The following WDR89 variants were observed in gnomAD, a reference collection of about 807,000 sequenced individuals.
WDR89 encodes WD repeat-containing protein 89.
Under a neutral mutation model 29.1 loss-of-function variants are expected in WDR89, and 17 were observed. The ratio of observed to expected loss-of-function variants is 0.58; its 90% CI spans 0.40 to 0.88. The LOEUF is 0.88. Ranked by LOEUF, WDR89 falls within the 40% of genes least tolerant of loss-of-function variation. The pLI, the probability that WDR89 is intolerant of heterozygous loss-of-function variation, is 0.00. For synonymous variants in WDR89, 138 were observed against 157.8 expected, an observed-to-expected ratio of 0.87 and a Z score of 0.94; for missense variants, 396 against 456.3, an observed-to-expected ratio of 0.87 and a Z score of 1.20.
rs375775091 is a variant in WDR89 at position 63,612,418 on chromosome 14, C to T, written c.-31-12445G>A. On this transcript the variant is annotated intron_variant, in intron 2 of 2. Coordinates refer to ENST00000620954, the MANE Select transcript of WDR89 (RefSeq NM_080666.4). ...TCTGCTCACTGCAACCTCTGCCTCC[C>T]GGGCTAGAGTGTAGTGGTGGGATCT... Among the ~76,000 whole-genome samples the T allele has an allele frequency of 2.8e-4, 43 of 151,986 alleles. 1 individual carries two copies. Among genetic ancestry groups the T allele is most frequent in the African/African-American group, 9.4e-4 (39 of 41,430 alleles).
chr14:63,625,824 A>G (rs531719218), intron 1 of WDR89, among the ~76,000 whole-genome samples: 1 of 152,272 alleles, frequency 6.6e-6, no homozygotes, highest in African/African-American at 2.4e-5. Context: ...TTAAACACAA[A>G]GAAGCAAAAC....
At chr14:63,601,585 C>A in intron 2 of WDR89, 3 of 1,610,426 alleles carry the variant, frequency 1.9e-6, no homozygotes, top group Admixed American at 1.7e-5. Flanking sequence ...GAAACTGTAA[C>A]CAAAGGAGGC....
At chr14:63,640,635 C>T (rs976106277) in intron 1 of WDR89, among the ~76,000 whole-genome samples, 5 of 151,552 alleles carry the variant, frequency 3.3e-5, no homozygotes, top group African/African-American at 1.2e-4. Flanking sequence ...ACTACAGGCG[C>T]CCGCCACATT....
In WDR89 at chr14:63,601,658, G is replaced by T. The variant is rs138514413; in HGVS notation, c.-31-1685C>A. On this transcript the variant is annotated intron_variant, in intron 2 of 2. Coordinates refer to ENST00000620954, the MANE Select transcript of WDR89 (RefSeq NM_080666.4). ...AAGCAACAGTAGTCGCTGTTGGATC[G>T]GGTTCTAAAGGAAAGGGTGGAGAGA... The T allele has an allele frequency of 5.9e-5, 95 of 1,613,104 alleles. 2 individuals are homozygous for T. In the East Asian group the frequency reaches 1.2e-3, roughly 20 times the overall value.
chr14:63,614,573 T>A (rs1882189601), intron 2 of WDR89, among the ~76,000 whole-genome samples: 1 of 151,924 alleles, frequency 6.6e-6, no homozygotes, highest in South Asian at 2.1e-4. Flanking sequence ...GAGGGAAGAG[T>A]AAAATAGGAA....
rs151105221 is a variant in WDR89, at chr14:63,639,027, A to G, written c.-138+2777T>C. On this transcript the variant is annotated intron_variant, in intron 1 of 2. Transcript: ENST00000620954. ...GAGGCAGAGGGAGATGTGACTACAG[A>G]TGAGAAAGTGGTATGATGATAGCAT... Among the ~76,000 whole-genome samples, 533 of 152,304 alleles carry G rather than the reference A, an allele frequency of 3.5e-3. 3 individuals are homozygous for G. The highest frequency in any genetic ancestry group is 5.2e-3 in the Non-Finnish European group (353 of 68,030).
chr14:63,606,785 CT>C (rs1265861268), intron 2 of WDR89, among the ~76,000 whole-genome samples: 1 of 152,200 alleles, frequency 6.6e-6, no homozygotes, highest in Non-Finnish European at 1.5e-5. Flanking sequence ...TCATTTAACC[CT>C]ATGAGGCAGA....
At chr14:63,609,891 CAGTGA>C (rs1881843540) in intron 2 of WDR89, among the ~76,000 whole-genome samples, 1 of 152,122 alleles carries the variant, frequency 6.6e-6, no homozygotes, top group Admixed American at 6.5e-5. Context: ...CCAAGGTTCT[CAGTGA>C]ACTCTCCCAA....
intron 1 of WDR89, among the ~76,000 whole-genome samples, chr14:63,632,949 A>G (rs1358393355): frequency 6.6e-6 from 1 of 152,198 alleles, no homozygotes; most frequent in African/African-American, 2.4e-5. Context: ...ATTGCATGAT[A>G]GCTGAGAATG....
intron 1 of WDR89, among the ~76,000 whole-genome samples, chr14:63,632,093 C>A (rs1883440917): frequency 1.3e-5 from 2 of 148,412 alleles, no homozygotes; most frequent in South Asian, 2.1e-4. Flanking sequence ...GCCTGAGCAA[C>A]AGAGGGAGAC....
rs937574140 is a variant in WDR89 at position 63,641,801 on chromosome 14, T to C, written c.-138+3A>G. 6 of 152,520 alleles carry C rather than the reference T, an allele frequency of 3.9e-5. No homozygotes were observed. The highest frequency in any genetic ancestry group is 1.4e-4 in the African/African-American group (6 of 41,470). 9.4% of individuals were successfully genotyped at this position (152,520 alleles called of 1,614,324 possible). A position where few individuals can be genotyped will look rare whatever the true frequency, so the allele number is the denominator to read the frequency against. On this transcript the variant is annotated splice_donor_region_variant and intron_variant, in intron 1 of 2. Coordinates refer to ENST00000620954, the MANE Select transcript of WDR89 (RefSeq NM_080666.4). Reference sequence around the variant, plus strand: ...CCGCCCAGCCTGGCCCAGCAAAATGTACCTTAGTAGCCTCAACCTGTACCG... The same window carrying C: ...CCGCCCAGCCTGGCCCAGCAAAATGCACCTTAGTAGCCTCAACCTGTACCG...
At chr14:63,640,280 G>C (rs10498510) in intron 1 of WDR89, among the ~76,000 whole-genome samples, 4,941 of 152,166 alleles carry the variant, frequency 0.032, 132 homozygotes, top group Admixed American at 0.083. Flanking sequence ...GCTTTCATCG[G>C]TAACATATTT....
At chr14:63,601,391 C>T in intron 2 of WDR89, 1 of 642,040 alleles carries the variant, frequency 1.6e-6, no homozygotes, top group Non-Finnish European at 2.7e-6. Context: ...ACTAGATTGC[C>T]TCTCCAGGGT....
At chr14:63,623,197 CAAAA>C (rs35075730) in intron 2 of WDR89, among the ~76,000 whole-genome samples, 22 of 71,728 alleles carry the variant, frequency 3.1e-4, no homozygotes, top group African/African-American at 8.8e-4. Context: ...AACCAGGTCT[CAAAA>C]AAAAAAAAAA....
chr14:63,628,057 G>C (rs574732167), intron 1 of WDR89, among the ~76,000 whole-genome samples: 1 of 152,098 alleles, frequency 6.6e-6, no homozygotes, highest in South Asian at 2.1e-4. Flanking sequence ...GCAACATAGC[G>C]AGATTCCATT....
intron 2 of WDR89, among the ~76,000 whole-genome samples, chr14:63,623,776 C>T (rs940568277): frequency 4.0e-5 from 6 of 150,062 alleles, no homozygotes; most frequent in Admixed American, 2.0e-4. Flanking sequence ...AATATGACAC[C>T]TTATTTAAAA....
At chr14:63,623,683 G>A (rs12323694) in intron 2 of WDR89, among the ~76,000 whole-genome samples, 7,143 of 111,550 alleles carry the variant, frequency 0.064, 259 homozygotes, top group African/African-American at 0.13. Flanking sequence ...CAGCCTGGGA[G>A]ACAGAGTGAG....
Position 63,599,080 on chromosome 14 carries a change from G to C in WDR89, c.863C>G (p.Thr288Arg), listed in dbSNP as rs1894921337. The C allele has an allele frequency of 6.2e-7, 1 of 1,614,108 alleles. No individual in the cohort carries two copies. Among genetic ancestry groups the C allele is most frequent in the Admixed American group, 1.7e-5 (1 of 60,006 alleles). Residue 288 changes from threonine to arginine, a missense_variant, in exon 3 of 3, where the codon ACA (threonine) becomes AGA (arginine). Coordinates refer to ENST00000620954, the MANE Select transcript of WDR89 (RefSeq NM_080666.4). Reference sequence around the variant, plus strand: ...GTTTGTTCCTCCAATAACATGCAATGTGTCTGTCTTTTCATGATATAGGCC... The same window carrying C: ...GTTTGTTCCTCCAATAACATGCAATCTGTCTGTCTTTTCATGATATAGGCC... The part of the protein sequence containing the change: ...IGGLYHEKTD[T>R]LHVIGGTNKG...
At chr14:63,614,376 C>T (rs1214251269) in intron 2 of WDR89, among the ~76,000 whole-genome samples, 1 of 150,972 alleles carries the variant, frequency 6.6e-6, no homozygotes, top group Non-Finnish European at 1.5e-5. Flanking sequence ...GGTGCAATCA[C>T]AGCTCACGGC....
Sources: gnomAD v4.1 joint callset for allele counts (sites outside exome capture counted in the v4.1 genomes callset) on GRCh38, gnomAD v4.1.1 for gene constraint, MANE v1.5 for transcripts, NCBI Gene and HGNC (gene_info 2026-07-23, HGNC 2026-07-21) for gene names.